Variants in PTPRT observed in about 807,000 individuals in gnomAD.
PTPRT encodes receptor-type tyrosine-protein phosphatase T.
A neutral mutation model predicts 176.8 loss-of-function variants in PTPRT; 56 were observed. The ratio of observed to expected loss-of-function variants is 0.32; its 90% CI spans 0.26 to 0.40. The LOEUF (loss-of-function observed/expected upper bound fraction) is 0.40. Among genes scored for constraint, PTPRT ranks in the 10% least tolerant of loss-of-function variants. The pLI, the probability that PTPRT is intolerant of heterozygous loss-of-function variation, is 1.00. For missense variants in PTPRT, 1,540 were observed against 1,908.2 expected (o/e 0.81, Z 3.60); for synonymous variants, 783 against 739.0 (o/e 1.06, Z -0.96).
intron 9 of PTPRT, among the ~76,000 whole-genome samples, chr20:42,378,157 G>C (rs2058668025): frequency 6.6e-6 from 1 of 152,170 alleles, no homozygotes; most frequent in African/African-American, 2.4e-5. Context: ...CACAGAGTAG[G>C]GGAAAGAATG....
chr20:42,158,501 A>C (rs944941453), intron 17 of PTPRT, among the ~76,000 whole-genome samples: 7 of 152,168 alleles, frequency 4.6e-5, no homozygotes, highest in Admixed American at 4.6e-4. Context: ...GACAGGCAAC[A>C]AACAGCACAG....
chr20:42,727,092 CT>C (rs1352223309), intron 6 of PTPRT, among the ~76,000 whole-genome samples: 1 of 152,170 alleles, frequency 6.6e-6, no homozygotes, highest in African/African-American at 2.4e-5. Context: ...TTTTTAACAT[CT>C]TTTGAAGACT....
At chr20:42,626,694 T>G (rs1329087492) in intron 7 of PTPRT, among the ~76,000 whole-genome samples, 2 of 152,174 alleles carry the variant, frequency 1.3e-5, no homozygotes, top group Non-Finnish European at 2.9e-5. Context: ...ACGGGCCCCC[T>G]GGGAGTAGCC....
At chr20:42,113,317 G>T (rs181651820) in intron 22 of PTPRT, among the ~76,000 whole-genome samples, 2 of 152,182 alleles carry the variant, frequency 1.3e-5, no homozygotes, top group Non-Finnish European at 2.9e-5. Flanking sequence ...TGCCCGTGTC[G>T]CCAGTCACTC....
chr20:42,310,627 T>A (rs557965841), intron 12 of PTPRT, among the ~76,000 whole-genome samples: 48 of 151,440 alleles, frequency 3.2e-4, no homozygotes, highest in African/African-American at 1.1e-3. Flanking sequence ...TATTGGAGAT[T>A]TTTTTTTTGG....
intron 1 of PTPRT, among the ~76,000 whole-genome samples, chr20:43,046,434 G>A (rs553865007): frequency 3.6e-4 from 47 of 132,204 alleles, no homozygotes; most frequent in African/African-American, 1.5e-3. Flanking sequence ...TGGGTGTGGT[G>A]GAGCGCGCCT....
At chr20:42,642,585 A>C (rs1198858888) in intron 7 of PTPRT, among the ~76,000 whole-genome samples, 1 of 152,146 alleles carries the variant, frequency 6.6e-6, no homozygotes, top group Admixed American at 6.5e-5. Context: ...CCTAATCCTC[A>C]TAACAGCCTC....
At chr20:42,096,187 C>A (rs1000415542) in intron 27 of PTPRT, among the ~76,000 whole-genome samples, 8 of 152,244 alleles carry the variant, frequency 5.3e-5, no homozygotes, top group Admixed American at 2.6e-4. Context: ...TTGCAACATT[C>A]TCCTCCCCGG....
intron 1 of PTPRT, among the ~76,000 whole-genome samples, chr20:43,056,531 A>T (rs2146242976): frequency 6.6e-6 from 1 of 152,346 alleles, no homozygotes; most frequent in South Asian, 2.1e-4. Context: ...GTCTTTTAAG[A>T]TGAGGCATAC....
intron 1 of PTPRT, among the ~76,000 whole-genome samples, chr20:43,188,762 G>GGGGGC (rs1568834816): frequency 2.9e-4 from 37 of 129,246 alleles, no homozygotes; most frequent in Non-Finnish European, 4.1e-4. Context: ...GGGGGGGGGG[G>GGGGGC]CTCGGGGGTG....
rs537731136 is a variant in PTPRT, at chr20:42,952,544, C to T, written c.89-66612G>A. Among the ~76,000 whole-genome samples the T allele has an allele frequency of 2.6e-4, 39 of 152,312 alleles. 1 individual carries two copies. In the South Asian group the frequency reaches 8.1e-3, roughly 32 times the overall value. On this transcript the variant is annotated intron_variant, in intron 1 of 30. Transcript: ENST00000373187. Reference sequence around the variant, plus strand: ...GCACAACTTCTGCGTGCCTCAGTTTCCTTATCTGTCAAATGGGAATAAGTA... The same window carrying T: ...GCACAACTTCTGCGTGCCTCAGTTTTCTTATCTGTCAAATGGGAATAAGTA...
chr20:42,642,888 A>G (rs532847211), intron 7 of PTPRT, among the ~76,000 whole-genome samples: 3 of 152,304 alleles, frequency 2.0e-5, no homozygotes, highest in South Asian at 2.1e-4. Context: ...GCTTGGCCAC[A>G]TGACTTGTTT....
At chr20:42,700,192 C>T (rs1459860549) in intron 6 of PTPRT, among the ~76,000 whole-genome samples, 2 of 152,168 alleles carry the variant, frequency 1.3e-5, no homozygotes, top group African/African-American at 4.8e-5. Flanking sequence ...AAACGAAACA[C>T]AAACCTCATT....
chr20:42,856,345 C>T (rs1358028933), intron 2 of PTPRT, among the ~76,000 whole-genome samples: 2 of 152,004 alleles, frequency 1.3e-5, no homozygotes. Flanking sequence ...ATATAGTGGT[C>T]AAGTAGAGGG....
intron 9 of PTPRT, among the ~76,000 whole-genome samples, chr20:42,386,100 C>G (rs918332691): frequency 6.6e-6 from 1 of 152,104 alleles, no homozygotes; most frequent in Admixed American, 6.5e-5. Context: ...CTCACACACA[C>G]GATGTTGAAA....
intron 5 of PTPRT, among the ~76,000 whole-genome samples, chr20:42,757,223 G>A (rs2076848012): frequency 6.6e-6 from 1 of 152,170 alleles, no homozygotes; most frequent in African/African-American, 2.4e-5. Context: ...TGCATTTGGG[G>A]CTGGCATGTA....
chr20:42,145,892 C>A (rs553094828), intron 17 of PTPRT, among the ~76,000 whole-genome samples: 2 of 152,316 alleles, frequency 1.3e-5, no homozygotes, highest in Admixed American at 6.5e-5. Flanking sequence ...GCACCAATCT[C>A]TGACCTAAAT....
chr20:42,632,274 T>G (rs57742605), intron 7 of PTPRT, among the ~76,000 whole-genome samples: 23,622 of 152,196 alleles, frequency 0.16, 1,922 homozygotes, highest in South Asian at 0.19. Flanking sequence ...AGTCTCACTC[T>G]GTCGCCCAGG....
intron 27 of PTPRT, among the ~76,000 whole-genome samples, chr20:42,094,636 C>T (rs6029965): frequency 0.063 from 9,506 of 152,090 alleles, 373 homozygotes; most frequent in African/African-American, 0.093. Flanking sequence ...ATGCCTATAA[C>T]CCCAGCACTT....
Sources: gnomAD v4.1 joint callset for allele counts (sites outside exome capture counted in the v4.1 genomes callset) on GRCh38, gnomAD v4.1.1 for gene constraint, MANE v1.5 for transcripts, NCBI Gene and HGNC (gene_info 2026-07-23, HGNC 2026-07-21) for gene names.